The following THSD7B variants were observed in gnomAD, a reference collection of about 807,000 sequenced individuals.
THSD7B encodes the protein thrombospondin type 1 domain containing 7B, also known as thrombospondin type-1 domain-containing protein 7B.
A neutral mutation model predicts 213.6 loss-of-function variants in THSD7B; 138 were observed. The ratio of observed to expected loss-of-function variants is 0.65; its 90% CI spans 0.56 to 0.74. THSD7B has a LOEUF of 0.74. Among genes scored for constraint, THSD7B ranks in the 30% least tolerant of loss-of-function variants. The probability of loss-of-function intolerance (pLI) is 0.00; values close to 1 mark genes in which losing one functional copy is unlikely to be tolerated. For synonymous variants in THSD7B, 742 were observed against 687.0 expected, an observed-to-expected ratio of 1.08 and a Z score of -1.25; for missense variants, 1,931 against 1,991.5, an observed-to-expected ratio of 0.97 and a Z score of 0.58.
intron 7 of THSD7B, among the ~76,000 whole-genome samples, chr2:137,209,512 T>A (rs564076067): frequency 6.6e-6 from 1 of 152,176 alleles, no homozygotes; most frequent in African/African-American, 2.4e-5. Context: ...GGAAATAATG[T>A]AATTACTATT....
At chr2:136,850,844 G>A (rs10195746) in intron 1 of THSD7B, among the ~76,000 whole-genome samples, 3,624 of 151,856 alleles carry the variant, frequency 0.024, 155 homozygotes, top group African/African-American at 0.083. Flanking sequence ...TCTTTTGGAA[G>A]TATATCCTTT....
At chr2:136,976,789 T>A (rs10172945) in intron 2 of THSD7B, among the ~76,000 whole-genome samples, 11,257 of 152,008 alleles carry the variant, frequency 0.074, 647 homozygotes, top group African/African-American at 0.15. Context: ...GCCTGGCTAA[T>A]TTTTTGTATT....
chr2:137,093,979 C>G (rs113349842), intron 3 of THSD7B, among the ~76,000 whole-genome samples: 2,269 of 152,252 alleles, frequency 0.015, 28 homozygotes, highest in African/African-American at 0.029. Context: ...TTTTGCCTAT[C>G]AGGAAATTAA....
In THSD7B at chr2:137,035,759, G is replaced by C. The variant is rs74563195; in HGVS notation, c.140-20661G>C. Among the ~76,000 whole-genome samples, 945 of 152,192 alleles carry C rather than the reference G, an allele frequency of 6.2e-3. 9 individuals carry two copies. Among genetic ancestry groups the C allele is most frequent in the African/African-American group, 0.022 (894 of 41,534 alleles). The stretch of plus-strand genomic sequence containing the variant: ...ACTTCCTTGCCTCTGAGGGATATTA[G>C]AAGGATTAACTAATGTCAGGAAAGG... On this transcript the variant is annotated intron_variant, in intron 2 of 27. Coordinates refer to ENST00000409968, the MANE Select transcript of THSD7B (RefSeq NM_001316349.2).
At chr2:137,270,889 T>TAA (rs1200626593) in intron 10 of THSD7B, among the ~76,000 whole-genome samples, 2 of 152,114 alleles carry the variant, frequency 1.3e-5, no homozygotes, top group Non-Finnish European at 2.9e-5. Flanking sequence ...AGTAATGACA[T>TAA]AAGCATAGTA....
At chr2:137,466,152 A>C (rs908315986) in intron 15 of THSD7B, among the ~76,000 whole-genome samples, 3 of 152,194 alleles carry the variant, frequency 2.0e-5, no homozygotes, top group Non-Finnish European at 2.9e-5. Context: ...TAATTTGTTC[A>C]TAAGCCCCAG....
intron 1 of THSD7B, among the ~76,000 whole-genome samples, chr2:136,801,533 T>C (rs775294580): frequency 6.6e-5 from 10 of 152,152 alleles, no homozygotes; most frequent in East Asian, 1.9e-4. Context: ...CTCAGTCCGA[T>C]GTAGTCATGA....
At position 137,034,497 on chromosome 2, in the gene THSD7B, G is replaced by A. The variant is rs1046911988; in HGVS notation, c.140-21923G>A. 7.9e-5 allele frequency among the ~76,000 whole-genome samples: 12 copies of A among 152,062 alleles called. No individual in the cohort carries two copies. In the East Asian group the frequency reaches 2.1e-3, roughly 27 times the overall value. On this transcript the variant is annotated intron_variant, in intron 2 of 27. Coordinates refer to ENST00000409968, the MANE Select transcript of THSD7B (RefSeq NM_001316349.2). The stretch of plus-strand genomic sequence containing the variant: ...TTTTTTACATAGGTATACATGGGCC[G>A]AAGTGGTTTGCTGCACTTATTAACC...
chr2:136,949,964 A>C (rs1239168299), intron 2 of THSD7B, among the ~76,000 whole-genome samples: 1 of 152,200 alleles, frequency 6.6e-6, no homozygotes, highest in East Asian at 1.9e-4. Flanking sequence ...AGACTGGATA[A>C]AGAAAATGTG....
intron 17 of THSD7B, among the ~76,000 whole-genome samples, chr2:137,587,225 T>A (rs1162056399): frequency 6.6e-6 from 1 of 152,194 alleles, no homozygotes; most frequent in African/African-American, 2.4e-5. Context: ...GTTATTCTAG[T>A]TAGCCATTCG....
intron 2 of THSD7B, among the ~76,000 whole-genome samples, chr2:136,991,245 C>A (rs1573753452): frequency 6.6e-6 from 1 of 152,092 alleles, no homozygotes; most frequent in Non-Finnish European, 1.5e-5. Flanking sequence ...AAAGAGCTCA[C>A]CATTTAGTCA....
intron 7 of THSD7B, among the ~76,000 whole-genome samples, chr2:137,185,215 A>G (rs1680528984): frequency 1.3e-5 from 2 of 152,158 alleles, no homozygotes; most frequent in Middle Eastern, 6.8e-3. Flanking sequence ...CTCTAGCCAC[A>G]GGGCTGACTG....
At chr2:137,613,272 C>G (rs772237969) in intron 17 of THSD7B, among the ~76,000 whole-genome samples, 7 of 152,104 alleles carry the variant, frequency 4.6e-5, no homozygotes, top group Non-Finnish European at 8.8e-5. Context: ...TTAACATATT[C>G]CTTTATCCTT....
intron 15 of THSD7B, among the ~76,000 whole-genome samples, chr2:137,467,215 T>G (rs1240178444): frequency 1.3e-5 from 2 of 152,166 alleles, no homozygotes; most frequent in African/African-American, 2.4e-5. Context: ...TCTGACGAAC[T>G]GGGATACATG....
At chr2:137,069,460 GTTTTAC>G (rs1241794149) in intron 3 of THSD7B, among the ~76,000 whole-genome samples, 1 of 151,876 alleles carries the variant, frequency 6.6e-6, no homozygotes, top group Non-Finnish European at 1.5e-5. Flanking sequence ...AGATCAATGG[GTTTTAC>G]TTTTACTTTG....
intron 6 of THSD7B, among the ~76,000 whole-genome samples, chr2:137,167,246 C>T (rs1680156139): frequency 1.3e-5 from 2 of 151,858 alleles, no homozygotes; most frequent in South Asian, 2.1e-4. Flanking sequence ...CTCTGTCACC[C>T]AGGCTGGAGT....
chr2:137,364,566 G>A (rs1685359084), intron 12 of THSD7B, among the ~76,000 whole-genome samples: 1 of 152,134 alleles, frequency 6.6e-6, no homozygotes, highest in African/African-American at 2.4e-5. Context: ...TAAAATCAAT[G>A]TGCCAAAATC....
intron 2 of THSD7B, among the ~76,000 whole-genome samples, chr2:136,988,412 C>T (rs551877143): frequency 9.2e-5 from 14 of 152,284 alleles, no homozygotes; most frequent in Admixed American, 7.8e-4. Flanking sequence ...AATTTCCTTC[C>T]AAATCTGCCA....
Position 137,439,243 on chromosome 2 carries a change from AC to A in THSD7B, c.2960-11599del, listed in dbSNP as rs545834867. On this transcript the variant is annotated intron_variant, in intron 14 of 27. Transcript: ENST00000409968. ...TACAGCAGTTCTAGAAAACTAACAAACCCTCTTTTTCTGTTGCTTTTTCTTA... is the reference window on the plus strand; with the variant it reads ...TACAGCAGTTCTAGAAAACTAACAAACCTCTTTTTCTGTTGCTTTTTCTTA... Among the ~76,000 whole-genome samples, 16 of 151,964 alleles carry A rather than the reference AC, an allele frequency of 1.1e-4. No homozygotes were observed. The South Asian group carries it at 2.1e-3, about 20-fold the overall frequency.
Sources: gnomAD v4.1 joint callset for allele counts (sites outside exome capture counted in the v4.1 genomes callset) on GRCh38, gnomAD v4.1.1 for gene constraint, MANE v1.5 for transcripts, NCBI Gene and HGNC (gene_info 2026-07-23, HGNC 2026-07-21) for gene names.